The following DPYD variants were observed in gnomAD, a reference collection of about 807,000 sequenced individuals.
DPYD encodes the protein dihydropyrimidine dehydrogenase [NADP(+)].
A neutral mutation model predicts 116.2 loss-of-function variants in DPYD; 109 were observed. That is an observed-to-expected ratio of 0.94 (90% CI 0.80 to 1.10). DPYD has a LOEUF of 1.10. Ranked by LOEUF, DPYD falls within the 50% of genes least tolerant of loss-of-function variation. The pLI is 0.00. For synonymous variants in DPYD, 440 were observed against 432.0 expected, an observed-to-expected ratio of 1.02 and a Z score of -0.23; for missense variants, 1,302 against 1,254.5, an observed-to-expected ratio of 1.04 and a Z score of -0.57.
intron 12 of DPYD, among the ~76,000 whole-genome samples, chr1:97,519,224 G>A (rs1648463325): frequency 6.6e-6 from 1 of 152,136 alleles, no homozygotes; most frequent in African/African-American, 2.4e-5. Context: ...TGGACTTACA[G>A]TTCCACCTGG....
chr1:97,879,481 T>G (rs561735401), intron 2 of DPYD, among the ~76,000 whole-genome samples: 2 of 151,916 alleles, frequency 1.3e-5, no homozygotes, highest in Non-Finnish European at 2.9e-5. Flanking sequence ...TTTATGTAAT[T>G]AGGATAGTTC....
At chr1:97,649,292 T>C (rs1161404438) in intron 8 of DPYD, among the ~76,000 whole-genome samples, 2 of 152,050 alleles carry the variant, frequency 1.3e-5, no homozygotes, top group African/African-American at 2.4e-5. Context: ...AAGGTGATCA[T>C]GACTATTTCC....
At chr1:97,082,694 C>T (rs1412908775) in intron 21 of DPYD, among the ~76,000 whole-genome samples, 3 of 152,022 alleles carry the variant, frequency 2.0e-5, no homozygotes, top group African/African-American at 4.8e-5. Context: ...AAATACGAGA[C>T]CTAATTAACT....
chr1:97,539,704 A>G (rs1169126222), intron 12 of DPYD, among the ~76,000 whole-genome samples: 1 of 152,196 alleles, frequency 6.6e-6, no homozygotes, highest in Non-Finnish European at 1.5e-5. Flanking sequence ...AATTTCTATA[A>G]AGATCAACAT....
chr1:97,359,141 A>G (rs1313134454), intron 16 of DPYD, among the ~76,000 whole-genome samples: 2 of 152,186 alleles, frequency 1.3e-5, no homozygotes, highest in Non-Finnish European at 2.9e-5. Flanking sequence ...GTTGAAAACC[A>G]TGACACGAGA....
At position 97,193,262 on chromosome 1, in the gene DPYD, A is replaced by C. The variant is rs756020361; in HGVS notation, c.2443-14T>G. The C allele has an allele frequency of 6.2e-7, 1 of 1,612,004 alleles. No individual in the cohort carries two copies. Among genetic ancestry groups the C allele is most frequent in the Admixed American group, 1.7e-5 (1 of 59,764 alleles). ...GGCACTGCATACCTAGAAAAGACAG[A>C]GCAGTCAACCAAGTGTCAAACCAAG... On this transcript the variant is annotated splice_polypyrimidine_tract_variant and intron_variant, in intron 19 of 22. Transcript: ENST00000370192.
chr1:97,514,327 A>T lies in DPYD; in HGVS notation c.1740+1399T>A, dbSNP rs1341848735. The T allele has an allele frequency of 1.1e-5, 9 of 810,690 alleles. No homozygotes were observed. In the East Asian group the frequency reaches 5.0e-4, roughly 45 times the overall value. The allele number at this position is 810,690 out of a possible 1,614,324, so 50.2% of individuals were successfully genotyped here. ...ATTATTGCAAGCGAAGAAAACATCAAATTCAAAGCAGCAAACACCTCTTTT... is the reference window on the plus strand; with the variant it reads ...ATTATTGCAAGCGAAGAAAACATCATATTCAAAGCAGCAAACACCTCTTTT... On this transcript the variant is annotated intron_variant, in intron 13 of 22. Coordinates refer to ENST00000370192, the MANE Select transcript of DPYD (RefSeq NM_000110.4).
At chr1:97,399,514 A>T (rs1312580744) in intron 14 of DPYD, among the ~76,000 whole-genome samples, 2 of 152,166 alleles carry the variant, frequency 1.3e-5, no homozygotes, top group Non-Finnish European at 1.5e-5. Context: ...TGGGGATGGC[A>T]TTGAATCTAT....
intron 14 of DPYD, among the ~76,000 whole-genome samples, chr1:97,430,288 T>C (rs1469195850): frequency 6.6e-6 from 1 of 152,144 alleles, no homozygotes; most frequent in Non-Finnish European, 1.5e-5. Flanking sequence ...TTCTAGTGTG[T>C]GACTTGAAAT....
intron 8 of DPYD, among the ~76,000 whole-genome samples, chr1:97,673,533 C>T (rs1659983768): frequency 6.6e-6 from 1 of 152,040 alleles, no homozygotes; most frequent in Non-Finnish European, 1.5e-5. Context: ...CTACTATGTA[C>T]CCGCCACTTT....
intron 18 of DPYD, among the ~76,000 whole-genome samples, chr1:97,238,605 G>T (rs1171342146): frequency 1.3e-5 from 2 of 152,094 alleles, no homozygotes; most frequent in Admixed American, 6.6e-5. Flanking sequence ...TTGTACATAT[G>T]CCAATTAAAA....
intron 21 of DPYD, among the ~76,000 whole-genome samples, chr1:97,083,934 C>A (rs1649331041): frequency 1.3e-5 from 2 of 152,078 alleles, no homozygotes; most frequent in African/African-American, 4.8e-5. Context: ...TCTTTTGAAT[C>A]CTTTCCATGT....
At chr1:97,637,541 C>A (rs966219806) in intron 8 of DPYD, among the ~76,000 whole-genome samples, 1 of 151,658 alleles carries the variant, frequency 6.6e-6, no homozygotes, top group Non-Finnish European at 1.5e-5. Context: ...TTGGCAAGCA[C>A]CCAGAAAACC....
intron 12 of DPYD, among the ~76,000 whole-genome samples, chr1:97,516,442 T>G (rs544529897): frequency 1.3e-5 from 2 of 152,134 alleles, no homozygotes; most frequent in East Asian, 1.9e-4. Context: ...GAATGCTGCT[T>G]GCCTAATTTC....
At chr1:97,808,046 C>T (rs1668160506) in intron 3 of DPYD, among the ~76,000 whole-genome samples, 1 of 152,076 alleles carries the variant, frequency 6.6e-6, no homozygotes, top group South Asian at 2.1e-4. Flanking sequence ...AATTTGGGTA[C>T]TGTCAATTCT....
chr1:97,292,851 A>G (rs1238232102), intron 18 of DPYD, among the ~76,000 whole-genome samples: 1 of 152,070 alleles, frequency 6.6e-6, no homozygotes, highest in Admixed American at 6.6e-5. Context: ...TTTCAACAAC[A>G]CAAGGCATTG....
chr1:97,740,796 G>A (rs1405499252), intron 3 of DPYD, among the ~76,000 whole-genome samples: 2 of 152,074 alleles, frequency 1.3e-5, no homozygotes, highest in African/African-American at 4.8e-5. Context: ...CCTTCACTAT[G>A]CTGACAATAC....
intron 16 of DPYD, among the ~76,000 whole-genome samples, chr1:97,336,737 C>G (rs1669303137): frequency 6.6e-6 from 1 of 151,922 alleles, no homozygotes. Flanking sequence ...GTGACAAGAG[C>G]AAAACTCCAT....
At chr1:97,581,326 CAAAAAAAAA>C (rs1161399547) in intron 10 of DPYD, among the ~76,000 whole-genome samples, 8 of 66,602 alleles carry the variant, frequency 1.2e-4, no homozygotes, top group Admixed American at 4.5e-4. Flanking sequence ...GACTCAGTCT[CAAAAAAAAA>C]AAAAAAAAAA....
Sources: gnomAD v4.1 joint callset for allele counts (sites outside exome capture counted in the v4.1 genomes callset) on GRCh38, gnomAD v4.1.1 for gene constraint, MANE v1.5 for transcripts, NCBI Gene and HGNC (gene_info 2026-07-23, HGNC 2026-07-21) for gene names.